The following WRN variants were observed in gnomAD, a reference collection of about 807,000 sequenced individuals.
WRN encodes the protein bifunctional 3'-5' exonuclease/ATP-dependent helicase WRN.
Under a neutral mutation model 180.7 loss-of-function variants are expected in WRN, and 149 were observed. That is an observed-to-expected ratio of 0.82 (90% CI 0.72 to 0.94). The LOEUF (loss-of-function observed/expected upper bound fraction) is 0.94. Among genes scored for constraint, WRN ranks in the 40% least tolerant of loss-of-function variants. The probability of loss-of-function intolerance (pLI) is 0.00; values close to 1 mark genes in which losing one functional copy is unlikely to be tolerated. For missense variants in WRN, 1,661 were observed against 1,700.1 expected (o/e 0.98, Z 0.40); for synonymous variants, 548 against 568.9 (o/e 0.96, Z 0.52).
intron 28 of WRN, among the ~76,000 whole-genome samples, chr8:31,145,711 G>A (rs1802832951): frequency 2.0e-5 from 3 of 152,054 alleles, no homozygotes; most frequent in Non-Finnish European, 4.4e-5. Context: ...GTTTTTAAGA[G>A]GTTTTCCAGA....
At chr8:31,088,029 G>A in intron 12 of WRN, 109 bp downstream of exon 12, 15 of 1,529,216 alleles carry the variant, frequency 9.8e-6, no homozygotes, top group Non-Finnish European at 1.3e-5. Flanking sequence ...GTGGCATATA[G>A]TTAATTATTG....
chr8:31,137,375 T>G (rs529663233), intron 24 of WRN, among the ~76,000 whole-genome samples: 29 of 152,268 alleles, frequency 1.9e-4, no homozygotes, highest in Admixed American at 4.6e-4. Flanking sequence ...GAGCTAGTGA[T>G]TCTAGTTAGG....
At chr8:31,146,218 T>C (rs1014810492) in intron 28 of WRN, among the ~76,000 whole-genome samples, 1 of 151,158 alleles carries the variant, frequency 6.6e-6, no homozygotes, top group Admixed American at 6.6e-5. Flanking sequence ...TCTCCTATTA[T>C]GGTAGATTTC....
chr8:31,167,423 T>G (rs1365423415), intron 34 of WRN, among the ~76,000 whole-genome samples, 193 bp downstream of exon 34: 1 of 152,100 alleles, frequency 6.6e-6, no homozygotes, highest in Non-Finnish European at 1.5e-5. Context: ...AAAGGGAGGT[T>G]TAGTCCATCT....
intron 1 of WRN, among the ~76,000 whole-genome samples, chr8:31,047,880 A>T (rs143431242): frequency 2.6e-5 from 4 of 152,348 alleles, no homozygotes; most frequent in Non-Finnish European, 5.9e-5. Flanking sequence ...GTTATAAAGC[A>T]CTTCGCTGTG....
intron 18 of WRN, among the ~76,000 whole-genome samples, chr8:31,109,433 C>A (rs1391648184): frequency 6.6e-6 from 1 of 152,038 alleles, no homozygotes; most frequent in Non-Finnish European, 1.5e-5. Flanking sequence ...TAGGGAATTT[C>A]TGGTAGCAAG....
Position 31,132,346 on chromosome 8 carries a change from T to C in WRN, c.2826-19T>C. The stretch of plus-strand genomic sequence containing the variant: ...ATGCCTTTGCTAAGCTTTCTTCAAA[T>C]GTTATTATTTTTATTTAGATTGGAT... On this transcript the variant is annotated intron_variant, in intron 23 of 34. Coordinates refer to ENST00000298139, the MANE Select transcript of WRN (RefSeq NM_000553.6). The C allele has an allele frequency of 6.2e-7, 1 of 1,611,994 alleles. No homozygotes were observed. Among genetic ancestry groups the C allele is most frequent in the Non-Finnish European group, 8.5e-7 (1 of 1,179,052 alleles).
In WRN at chr8:31,116,359, A is replaced by T. The variant is rs1801516310; in HGVS notation, c.2279A>T (p.His760Leu). Residue 760 changes from histidine to leucine, a missense_variant, in exon 20 of 35, where the codon CAC becomes CTC. Around this residue, in one of 3 missense-constraint regions of WRN, gnomAD observed 1,141 missense variants for 1,149.4 expected, o/e 0.99. Transcript: ENST00000298139. ...LQPFLVKTSSHWEFEGPTIIY... is the reference protein window; with the variant it reads ...LQPFLVKTSSLWEFEGPTIIY... Reference sequence around the variant, plus strand: ...TTGTTCTTCTTTTTCTTTAGTTCCCACTGGGAATTTGAAGGTCCAACAATC... The same window carrying T: ...TTGTTCTTCTTTTTCTTTAGTTCCCTCTGGGAATTTGAAGGTCCAACAATC... The T allele has an allele frequency of 6.2e-7, 1 of 1,613,800 alleles. No homozygotes were observed. Among genetic ancestry groups the T allele is most frequent in the Non-Finnish European group, 8.5e-7 (1 of 1,179,852 alleles).
At chr8:31,127,983 A>ACCTGTAGT (rs1279073279) in intron 23 of WRN, among the ~76,000 whole-genome samples, 1 of 151,874 alleles carries the variant, frequency 6.6e-6, no homozygotes, top group Non-Finnish European at 1.5e-5. Flanking sequence ...GGTGGCTCAC[A>ACCTGTAGT]CCTGTAGTCC....
intron 1 of WRN, among the ~76,000 whole-genome samples, 167 bp from the exon 2 acceptor site, chr8:31,058,205 G>T (rs1020550331): frequency 1.3e-5 from 2 of 152,144 alleles, no homozygotes; most frequent in Non-Finnish European, 2.9e-5. Context: ...TGACTGATTT[G>T]TTTTAAGAGG....
At chr8:31,040,468 G>A in intron 1 of WRN, among the ~76,000 whole-genome samples, 1 of 152,140 alleles carries the variant, frequency 6.6e-6, no homozygotes, top group East Asian at 1.9e-4. Context: ...GTAAGAAGGA[G>A]CAGCAGAGTA....
chr8:31,090,978 T>C (rs1205266331), intron 15 of WRN, 36 bp downstream of exon 15: 1 of 1,492,648 alleles, frequency 6.7e-7, no homozygotes, highest in African/African-American at 1.4e-5. Flanking sequence ...TATCACCCTC[T>C]TTTTTTCTTC....
chr8:31,126,881 G>T (rs902068766), intron 23 of WRN, among the ~76,000 whole-genome samples: 6 of 152,046 alleles, frequency 3.9e-5, no homozygotes, highest in African/African-American at 1.4e-4. Context: ...ACCAATACCA[G>T]GAATGAAAGA....
intron 18 of WRN, among the ~76,000 whole-genome samples, chr8:31,105,297 C>T (rs142604867): frequency 4.6e-5 from 7 of 152,204 alleles, no homozygotes; most frequent in Non-Finnish European, 8.8e-5. Flanking sequence ...GGACAGCACA[C>T]ACTCATGGAT....
At chr8:31,068,156 G>A in intron 6 of WRN, 102 bp from the exon 7 acceptor site, 1 of 809,048 alleles carries the variant, frequency 1.2e-6, no homozygotes, top group East Asian at 2.7e-5. Context: ...CCATGTTTGG[G>A]TGCTTTGTGA....
At chr8:31,156,168 A>G (rs141560022) in intron 32 of WRN, among the ~76,000 whole-genome samples, 23 of 152,362 alleles carry the variant, frequency 1.5e-4, no homozygotes, top group African/African-American at 5.0e-4. Context: ...ACAGTTACTA[A>G]GAAAATTTGT....
At chr8:31,131,420 T>G (rs1802166923) in intron 23 of WRN, 1 of 152,488 alleles carries the variant, frequency 6.6e-6, no homozygotes, top group South Asian at 2.1e-4. Context: ...CCTCCCAAAG[T>G]GCTGGGATTA....
intron 16 of WRN, among the ~76,000 whole-genome samples, chr8:31,093,080 AG>A (rs1170267937): frequency 6.6e-6 from 1 of 152,104 alleles, no homozygotes; most frequent in African/African-American, 2.4e-5. Flanking sequence ...GCTAGGCTGC[AG>A]GTATGTTCCA....
chr8:31,074,505 C>G (rs1228755967), intron 7 of WRN, among the ~76,000 whole-genome samples: 1 of 151,936 alleles, frequency 6.6e-6, no homozygotes, highest in Non-Finnish European at 1.5e-5. Flanking sequence ...TAGAAGTTCA[C>G]AAAGAAAGGA....
Sources: gnomAD v4.1 joint callset for allele counts (sites outside exome capture counted in the v4.1 genomes callset) on GRCh38, gnomAD v4.1.1 for gene constraint, gnomAD v4.1.1 regional missense constraint, MANE v1.5 for transcripts, NCBI Gene and HGNC (gene_info 2026-07-23, HGNC 2026-07-21) for gene names.